Variants in AKT2 observed in about 807,000 individuals in gnomAD.
AKT2 encodes RAC-beta serine/threonine-protein kinase.
In AKT2, 16 loss-of-function variants were observed where a neutral mutation model predicts 58.6. That is an observed-to-expected ratio of 0.27 (90% confidence interval 0.18 to 0.41). AKT2 has a LOEUF of 0.41. Ranked by LOEUF, AKT2 falls within the 10% of genes least tolerant of loss-of-function variation. AKT2 has a pLI of 1.00. For missense variants in AKT2, 438 were observed against 661.0 expected, an observed-to-expected ratio of 0.66 and a Z score of 3.70; for synonymous variants, 253 against 254.0, an observed-to-expected ratio of 1.00 and a Z score of 0.04.
chr19:40,232,580 G>A lies in AKT2; in HGVS notation c.*1292C>T, dbSNP rs1177539019. The A allele has an allele frequency of 1.3e-5, 3 of 233,052 alleles. No individual in the cohort carries two copies. The highest frequency in any genetic ancestry group is 1.8e-4 in the South Asian group (1 of 5,524). 14.4% of individuals were successfully genotyped at this position (233,052 alleles called of 1,614,324 possible). Reference sequence around the variant, plus strand: ...AGGTGTTGCTACAGGGAGGGGAGGCGTGGGCAGGGCAGCTCATGGATCACA... The same window carrying A: ...AGGTGTTGCTACAGGGAGGGGAGGCATGGGCAGGGCAGCTCATGGATCACA... On this transcript the variant is annotated 3_prime_UTR_variant, in exon 14 of 14. Transcript: ENST00000392038.
At chr19:40,267,759 A>G (rs1976464545) in intron 1 of AKT2, among the ~76,000 whole-genome samples, 1 of 152,194 alleles carries the variant, frequency 6.6e-6, no homozygotes. Context: ...CCCGGATGGT[A>G]CCAGCAACAG....
Position 40,237,638 on chromosome 19 carries a change from A to G in AKT2, c.831+331T>C. ...CAACAGAGTAAGACTCCTCAAAAAT[A>G]AATAAATAAATAAATACAAATAAAG... On this transcript the variant is annotated intron_variant, in intron 9 of 13. Transcript: ENST00000392038. The surrounding 1 kb of genome is among the most constrained non-coding windows in gnomAD (Gnocchi z 4.5). The G allele has an allele frequency of 3.2e-6, 1 of 310,020 alleles. No homozygotes were observed. The highest frequency in any genetic ancestry group is 3.0e-5 in the South Asian group (1 of 33,348). 19.2% of individuals were successfully genotyped at this position (310,020 alleles called of 1,614,324 possible).
chr19:40,276,882 G>C (rs751140365), intron 1 of AKT2, among the ~76,000 whole-genome samples: 4 of 152,088 alleles, frequency 2.6e-5, no homozygotes, highest in Non-Finnish European at 5.9e-5. Context: ...AATTAGCCAG[G>C]TATGATGGTG....
At chr19:40,252,219 A>G (rs1162924839) in intron 4 of AKT2, among the ~76,000 whole-genome samples, 1 of 152,228 alleles carries the variant, frequency 6.6e-6, no homozygotes, top group Non-Finnish European at 1.5e-5. Flanking sequence ...AGCCAGGAGC[A>G]GAGTGGAGGG....
chr19:40,246,003 T>A (rs1234421859), intron 4 of AKT2, among the ~76,000 whole-genome samples: 1 of 151,086 alleles, frequency 6.6e-6, no homozygotes, highest in Non-Finnish European at 1.5e-5. Context: ...CTCAAGCCAG[T>A]ATTTCTCAAC....
At chr19:40,260,232 T>C (rs1203698015) in intron 2 of AKT2, among the ~76,000 whole-genome samples, 1 of 151,580 alleles carries the variant, frequency 6.6e-6, no homozygotes, top group Non-Finnish European at 1.5e-5. Flanking sequence ...ATGGCTGTAA[T>C]GAAAAAAAAA....
At chr19:40,241,473 T>G in intron 6 of AKT2, 1 of 245,830 alleles carries the variant, frequency 4.1e-6, no homozygotes, top group Non-Finnish European at 8.1e-6. Context: ...CTGGTTAAAC[T>G]GGACAATGGC....
At chr19:40,249,176 AG>A (rs1367251543) in intron 4 of AKT2, among the ~76,000 whole-genome samples, 2 of 152,144 alleles carry the variant, frequency 1.3e-5, no homozygotes, top group Non-Finnish European at 2.9e-5. Context: ...AAGTCGCTGA[AG>A]GGTTTTAGTC....
intron 1 of AKT2, chr19:40,269,676 T>C (rs1447282290): frequency 6.6e-6 from 1 of 152,112 alleles, no homozygotes; most frequent in Non-Finnish European, 1.5e-5. Flanking sequence ...AACCCCAAAC[T>C]GGTAACAGAC....
chr19:40,233,444 G>A lies in AKT2; in HGVS notation c.*428C>T, dbSNP rs1973817116. 5.8e-6 allele frequency: 3 copies of A among 513,002 alleles called. No homozygotes were observed. Among genetic ancestry groups the A allele is most frequent in the Non-Finnish European group, 1.1e-5 (3 of 267,546 alleles). The allele number at this position is 513,002 out of a possible 1,614,324, so 31.8% of individuals were successfully genotyped here. ...CCTAGGCCACGGGGCCTGGAAGGCA[G>A]CACCACTGTCTGCCGGGTGTCGCGT... On this transcript the variant is annotated 3_prime_UTR_variant, in exon 14 of 14. Coordinates refer to ENST00000392038, the MANE Select transcript of AKT2 (RefSeq NM_001626.6). The surrounding 1 kb of genome is among the most constrained non-coding windows in gnomAD (Gnocchi z 4.3).
At chr19:40,241,766 G>A in intron 6 of AKT2, 172 bp downstream of exon 6, 2 of 1,001,438 alleles carry the variant, frequency 2.0e-6, no homozygotes. Context: ...TCAGCAGCAA[G>A]GCCTGCTGCT....
chr19:40,275,057 T>G (rs1365246713), intron 1 of AKT2: 2 of 456,716 alleles, frequency 4.4e-6, no homozygotes, highest in Non-Finnish European at 8.8e-6. Flanking sequence ...AGGACCTGCA[T>G]GCAGCAGATG....
At position 40,243,065 on chromosome 19, in the gene AKT2, C is replaced by T. The variant is rs1230306409; in HGVS notation, c.288-378G>A. The T allele has an allele frequency of 1.6e-5, 5 of 305,520 alleles. No individual in the cohort carries two copies. In the East Asian group the frequency reaches 3.9e-4, roughly 24 times the overall value. The allele number at this position is 305,520 out of a possible 1,614,324, so 18.9% of individuals were successfully genotyped here. Reference sequence around the variant, plus strand: ...GCTGAGGCAGGAGAATTGCTTGAACCCGGGAGGCGGAGGGTGCAGTGAGCA... The same window carrying T: ...GCTGAGGCAGGAGAATTGCTTGAACTCGGGAGGCGGAGGGTGCAGTGAGCA... On this transcript the variant is annotated intron_variant, in intron 4 of 13. Transcript: ENST00000392038.
rs906882635 is a variant in AKT2 at position 40,232,433 on chromosome 19, G to C, written c.*1439C>G. On this transcript the variant is annotated 3_prime_UTR_variant, in exon 14 of 14. Transcript: ENST00000392038. ...CTGTCAGATAACAACATCGCACACAGAGGAAAAAGACCCTCACCCACCCGA... is the reference window on the plus strand; with the variant it reads ...CTGTCAGATAACAACATCGCACACACAGGAAAAAGACCCTCACCCACCCGA... 4.3e-6 allele frequency: 1 copy of C among 233,824 alleles called. No homozygotes were observed. Among genetic ancestry groups the C allele is most frequent in the Non-Finnish European group, 8.5e-6 (1 of 118,200 alleles). 14.5% of individuals were successfully genotyped at this position (233,824 alleles called of 1,614,324 possible).
intron 1 of AKT2, among the ~76,000 whole-genome samples, chr19:40,283,741 C>G (rs1335895141): frequency 6.6e-6 from 1 of 152,196 alleles, no homozygotes; most frequent in African/African-American, 2.4e-5. Flanking sequence ...CATGGGGGAT[C>G]TGACTGTCCC....
intron 2 of AKT2, among the ~76,000 whole-genome samples, chr19:40,261,875 T>G (rs1454450215): frequency 6.6e-6 from 1 of 151,536 alleles, no homozygotes; most frequent in Non-Finnish European, 1.5e-5. Context: ...TTCAAAATGG[T>G]TAATCTCACG....
intron 4 of AKT2, among the ~76,000 whole-genome samples, chr19:40,244,898 A>G (rs904606764): frequency 2.0e-5 from 3 of 152,196 alleles, no homozygotes; most frequent in African/African-American, 7.2e-5. Flanking sequence ...ATTCCTCCCC[A>G]GTCTCGTTTC....
intron 1 of AKT2, among the ~76,000 whole-genome samples, chr19:40,280,346 C>G (rs572566556): frequency 1.3e-5 from 2 of 152,164 alleles, no homozygotes; most frequent in African/African-American, 4.8e-5. Context: ...CTGGAGAACA[C>G]GGTGTGAAAA....
chr19:40,234,451 C>T lies in AKT2; in HGVS notation c.1367-500G>A. The T allele has an allele frequency of 4.2e-6, 1 of 236,330 alleles. No homozygotes were observed. The highest frequency in any genetic ancestry group is 2.3e-5 in the African/African-American group (1 of 44,358). 14.6% of individuals were successfully genotyped at this position (236,330 alleles called of 1,614,324 possible). A position where few individuals can be genotyped will look rare whatever the true frequency, so the allele number is the denominator to read the frequency against. Reference sequence around the variant, plus strand: ...AGCCCCATGCCCTCTCTTCTCACCACCATCTCCCTGGCTGCTGCCGGTCCT... The same window carrying T: ...AGCCCCATGCCCTCTCTTCTCACCATCATCTCCCTGGCTGCTGCCGGTCCT... On this transcript the variant is annotated intron_variant, in intron 13 of 13. Coordinates refer to ENST00000392038, the MANE Select transcript of AKT2 (RefSeq NM_001626.6). This position sits in a 1 kb window ranked among gnomAD's most constrained non-coding sequence, Gnocchi z 4.7.
Sources: gnomAD v4.1 joint callset for allele counts (sites outside exome capture counted in the v4.1 genomes callset) on GRCh38, gnomAD v4.1.1 for gene constraint, Gnocchi (gnomAD v3.1) non-coding constraint, MANE v1.5 for transcripts, NCBI Gene and HGNC (gene_info 2026-07-23, HGNC 2026-07-21) for gene names.